CNTNAP2: variants seen among roughly 807,000 people sequenced by gnomAD.
The protein encoded by CNTNAP2 is contactin associated protein 2.
CNTNAP2 carries 98 observed loss-of-function variants against 155.2 expected under a neutral mutation model. The observed-to-expected ratio is 0.63, with a 90% CI of 0.54 to 0.75. The LOEUF (loss-of-function observed/expected upper bound fraction) is 0.75, where lower values mean the gene tolerates loss of function less well. Among genes scored for constraint, CNTNAP2 ranks in the 30% least tolerant of loss-of-function variants. CNTNAP2 has a pLI of 0.00. For missense variants in CNTNAP2, 1,727 were observed against 1,688.1 expected (o/e 1.02, Z -0.40); for synonymous variants, 651 against 631.2 (o/e 1.03, Z -0.47).
At chr7:147,273,081 G>T (rs1305093611) in intron 8 of CNTNAP2, among the ~76,000 whole-genome samples, 1 of 152,056 alleles carries the variant, frequency 6.6e-6, no homozygotes, top group Non-Finnish European at 1.5e-5. Flanking sequence ...TTCCACTGCT[G>T]CTTAAACTGG....
intron 1 of CNTNAP2, among the ~76,000 whole-genome samples, chr7:146,377,500 G>C (rs980548088): frequency 6.6e-6 from 1 of 151,976 alleles, no homozygotes; most frequent in Non-Finnish European, 1.5e-5. Context: ...TTAATCTTTT[G>C]GGTCATATAT....
At chr7:147,732,414 A>G (rs1796758940) in intron 13 of CNTNAP2, among the ~76,000 whole-genome samples, 2 of 151,944 alleles carry the variant, frequency 1.3e-5, no homozygotes, top group African/African-American at 4.8e-5. Context: ...TATGTGCCAC[A>G]TTTTCTTAAT....
intron 1 of CNTNAP2, among the ~76,000 whole-genome samples, chr7:146,420,794 G>A (rs1796000723): frequency 6.6e-6 from 1 of 152,066 alleles, no homozygotes; most frequent in South Asian, 2.1e-4. Flanking sequence ...CATCATTAAT[G>A]TAGGAATTGT....
intron 8 of CNTNAP2, among the ~76,000 whole-genome samples, chr7:147,259,352 A>G (rs1804404372): frequency 6.6e-6 from 1 of 152,208 alleles, no homozygotes; most frequent in Non-Finnish European, 1.5e-5. Context: ...ATGTATTACC[A>G]ATACATCTGT....
chr7:146,272,873 G>A (rs1800103942), intron 1 of CNTNAP2, among the ~76,000 whole-genome samples: 1 of 152,126 alleles, frequency 6.6e-6, no homozygotes, highest in South Asian at 2.1e-4. Context: ...TGTTAGGGAA[G>A]ATTTGAACCT....
chr7:146,394,954 T>G (rs907603745), intron 1 of CNTNAP2, among the ~76,000 whole-genome samples: 1 of 152,182 alleles, frequency 6.6e-6, no homozygotes, highest in African/African-American at 2.4e-5. Context: ...TGTGTACACA[T>G]TATTTTGCTA....
In CNTNAP2 at chr7:148,415,766, C is replaced by T; in HGVS notation, c.*150C>T. 1 of 786,084 alleles carries T rather than the reference C, an allele frequency of 1.3e-6. No individual in the cohort carries two copies. 48.7% of individuals were successfully genotyped at this position (786,084 alleles called of 1,614,324 possible). A position where few individuals can be genotyped will look rare whatever the true frequency, so the allele number is the denominator to read the frequency against. On this transcript the variant is annotated 3_prime_UTR_variant, in exon 24 of 24. Coordinates refer to ENST00000361727, the MANE Select transcript of CNTNAP2 (RefSeq NM_014141.6). The stretch of plus-strand genomic sequence containing the variant: ...AGGCAATGGAATATAATGGAATATT[C>T]TTGAGACTGATCACAAAAAAAAAAA...
intron 1 of CNTNAP2, among the ~76,000 whole-genome samples, chr7:146,204,491 T>TATATCTCTTCTGAAGTAGA (rs1798916506): frequency 6.6e-6 from 1 of 152,104 alleles, no homozygotes; most frequent in South Asian, 2.1e-4. Flanking sequence ...AAGTAGATAT[T>TATATCTCTTCTGAAGTAGA]TACATGCCTA....
At chr7:147,873,658 C>G (rs1017370927) in intron 13 of CNTNAP2, among the ~76,000 whole-genome samples, 1 of 152,158 alleles carries the variant, frequency 6.6e-6, no homozygotes, top group African/African-American at 2.4e-5. Context: ...CATTCTGCCC[C>G]TGGCTCCTCC....
At chr7:147,461,910 A>G (rs1055744106) in intron 10 of CNTNAP2, among the ~76,000 whole-genome samples, 2 of 152,268 alleles carry the variant, frequency 1.3e-5, no homozygotes, top group Non-Finnish European at 2.9e-5. Flanking sequence ...AATGTGAACA[A>G]TACAATATCT....
intron 13 of CNTNAP2, among the ~76,000 whole-genome samples, chr7:147,780,686 A>G (rs190079316): frequency 6.6e-6 from 1 of 152,312 alleles, no homozygotes; most frequent in East Asian, 1.9e-4. Flanking sequence ...CACCTGTCCA[A>G]GCTCATTCCG....
chr7:146,373,684 C>A (rs1795268038), intron 1 of CNTNAP2, among the ~76,000 whole-genome samples: 1 of 151,918 alleles, frequency 6.6e-6, no homozygotes, highest in Non-Finnish European at 1.5e-5. Context: ...AAAAAATTGC[C>A]ATAAATATAA....
intron 16 of CNTNAP2, among the ~76,000 whole-genome samples, chr7:148,140,382 G>A (rs1450900693): frequency 6.6e-6 from 1 of 151,138 alleles, no homozygotes; most frequent in Non-Finnish European, 1.5e-5. Flanking sequence ...CACATTGTTG[G>A]TCAATCTGGC....
chr7:147,416,851 G>A (rs1258324275), intron 10 of CNTNAP2, among the ~76,000 whole-genome samples: 1 of 152,086 alleles, frequency 6.6e-6, no homozygotes. Context: ...CACTTTGGGA[G>A]GCCAAGGCAG....
intron 12 of CNTNAP2, among the ~76,000 whole-genome samples, chr7:147,618,448 G>A (rs1349506442): frequency 3.3e-5 from 5 of 151,950 alleles, no homozygotes; most frequent in Non-Finnish European, 5.9e-5. Context: ...TTAACAAATT[G>A]CACATTAACT....
intron 13 of CNTNAP2, among the ~76,000 whole-genome samples, chr7:147,854,820 C>G (rs1799009769): frequency 6.6e-6 from 1 of 152,112 alleles, no homozygotes; most frequent in Non-Finnish European, 1.5e-5. Context: ...CAACCATAAG[C>G]TACATGGAAC....
At position 146,930,232 on chromosome 7, in the gene CNTNAP2, C is replaced by T. The variant is rs1288074665; in HGVS notation, c.402+90328C>T. Among the ~76,000 whole-genome samples the T allele has an allele frequency of 2.6e-5, 4 of 152,146 alleles. 1 individual carries two copies. The highest frequency in any genetic ancestry group is 4.1e-4 in the South Asian group (2 of 4,826). ...AAAGGGAAGCCCATCAGACTAACAGCGGATCTCTCGGCAGAAACTCTACAA... is the reference window on the plus strand; with the variant it reads ...AAAGGGAAGCCCATCAGACTAACAGTGGATCTCTCGGCAGAAACTCTACAA... On this transcript the variant is annotated intron_variant, in intron 3 of 23. Transcript: ENST00000361727.
chr7:148,415,551 A>T lies in CNTNAP2; in HGVS notation c.3931A>T (p.Ile1311Phe). The change falls in exon 24 of 24, where the codon ATC becomes TTC. Residue 1311 changes from isoleucine (I) to phenylalanine (F), a missense_variant. Coordinates refer to ENST00000361727, the MANE Select transcript of CNTNAP2 (RefSeq NM_014141.6). ...GTCGGCAGAGAGCGCGGACGCCGCC[A>T]TCATGAACAACGACCCCAACTTCAC... ...AESAESADAA[I>F]MNNDPNFTET... The T allele has an allele frequency of 3.1e-6, 5 of 1,614,258 alleles. No individual in the cohort carries two copies. The highest frequency in any genetic ancestry group is 4.2e-6 in the Non-Finnish European group (5 of 1,180,042).
chr7:147,489,598 C>A (rs1480173123), intron 11 of CNTNAP2, among the ~76,000 whole-genome samples: 1 of 152,120 alleles, frequency 6.6e-6, no homozygotes, highest in Non-Finnish European at 1.5e-5. Flanking sequence ...CTGCTTCAGT[C>A]TCCCAAAAGC....
Sources: gnomAD v4.1 joint callset for allele counts (sites outside exome capture counted in the v4.1 genomes callset) on GRCh38, gnomAD v4.1.1 for gene constraint, MANE v1.5 for transcripts, NCBI Gene and HGNC (gene_info 2026-07-23, HGNC 2026-07-21) for gene names.